MARCHF4: variants seen among roughly 807,000 people sequenced by gnomAD.
MARCHF4 encodes E3 ubiquitin-protein ligase MARCHF4.
In MARCHF4, 14 loss-of-function variants were observed where a neutral mutation model predicts 43.9. The observed-to-expected ratio is 0.32, with a 90% CI of 0.21 to 0.50. The LOEUF is 0.50. MARCHF4 is among the 20% of genes least tolerant of loss of function. The pLI, the probability that MARCHF4 is intolerant of heterozygous loss-of-function variation, is 0.98. For synonymous variants in MARCHF4, 226 were observed against 213.3 expected, an observed-to-expected ratio of 1.06 and a Z score of -0.52; for missense variants, 468 against 536.7, an observed-to-expected ratio of 0.87 and a Z score of 1.27.
intron 2 of MARCHF4, among the ~76,000 whole-genome samples, chr2:216,282,385 T>C (rs1691143471): frequency 6.6e-6 from 1 of 151,968 alleles, no homozygotes; most frequent in Non-Finnish European, 1.5e-5. Flanking sequence ...TAGCTGTGGG[T>C]GCTTCCAGCT....
At chr2:216,339,924 G>A (rs1438599815) in intron 1 of MARCHF4, among the ~76,000 whole-genome samples, 2 of 151,928 alleles carry the variant, frequency 1.3e-5, no homozygotes, top group Non-Finnish European at 2.9e-5. Flanking sequence ...CTCCTGCTGG[G>A]GTGACTGGAA....
At chr2:216,320,347 AC>A (rs1691859518) in intron 1 of MARCHF4, among the ~76,000 whole-genome samples, 1 of 152,216 alleles carries the variant, frequency 6.6e-6, no homozygotes, top group Non-Finnish European at 1.5e-5. Context: ...TTGAGTCCTT[AC>A]TAAAGGCCAG....
chr2:216,363,567 G>A (rs1358605771), intron 1 of MARCHF4, among the ~76,000 whole-genome samples: 1 of 152,170 alleles, frequency 6.6e-6, no homozygotes, highest in Non-Finnish European at 1.5e-5. Flanking sequence ...GGTTCTTGGA[G>A]CTTCCAATTT....
chr2:216,259,414 A>G lies in MARCHF4; in HGVS notation c.1131T>C (p.Cys377=), dbSNP rs765969760. 1.1e-5 allele frequency: 18 copies of G among 1,613,740 alleles called. 1 individual carries two copies. In the East Asian group the frequency reaches 3.6e-4, roughly 32 times the overall value. The part of the protein sequence containing the change: ...HPSGPLSHHH[C]AYTILHILSH... The stretch of plus-strand genomic sequence containing the variant: ...TCAGGATGTGCAGGATGGTATAAGC[A>G]CAGTGGTGATGGGACAGAGGGCCTG... Residue 377 remains cysteine, a synonymous_variant, in exon 4 of 4, where the codon TGT becomes TGC. Transcript: ENST00000273067.
rs10175315 is a variant in MARCHF4, at chr2:216,300,350, G to A, written c.517-16621C>T. The stretch of plus-strand genomic sequence containing the variant: ...TATGTCCATCTCGATATATATATAT[G>A]TATATATATATATATATATGACTTA... On this transcript the variant is annotated intron_variant, in intron 1 of 3. Coordinates refer to ENST00000273067, the MANE Select transcript of MARCHF4 (RefSeq NM_020814.3). 5.4e-3 allele frequency among the ~76,000 whole-genome samples: 625 copies of A among 115,598 alleles called. 5 individuals are homozygous for A. The highest frequency in any genetic ancestry group is 8.8e-3 in the South Asian group (29 of 3,282). 75.8% of individuals were successfully genotyped at this position (115,598 alleles called of 152,430 possible). A position where few individuals can be genotyped will look rare whatever the true frequency, so the allele number is the denominator to read the frequency against.
Position 216,369,930 on chromosome 2 carries a change from G to A in MARCHF4, c.331C>T (p.Pro111Ser). 6.2e-7 allele frequency: 1 copy of A among 1,608,656 alleles called. No homozygotes were observed. The highest frequency in any genetic ancestry group is 8.5e-7 in the Non-Finnish European group (1 of 1,177,254). Residue 111 changes from proline to serine, a missense_variant, in exon 1 of 4, where the codon CCA becomes TCA. Around this residue, in one of 3 missense-constraint regions of MARCHF4, gnomAD observed 190 missense variants for 158.5 expected, o/e 1.20. Coordinates refer to ENST00000273067, the MANE Select transcript of MARCHF4 (RefSeq NM_020814.3). ...PPPVPPPPPL[P>S]PSSVEDDWGG... ...CAGTCATCTTCCACAGAAGAAGGTG[G>A]CAAGGGGGGTGGAGGTGGCACAGGA...
At chr2:216,356,785 G>A (rs1170729845) in intron 1 of MARCHF4, among the ~76,000 whole-genome samples, 1 of 152,174 alleles carries the variant, frequency 6.6e-6, no homozygotes, top group Non-Finnish European at 1.5e-5. Flanking sequence ...CACTTTGAGA[G>A]GCCGAGGTGG....
chr2:216,330,288 A>T (rs1179259186), intron 1 of MARCHF4, among the ~76,000 whole-genome samples: 1 of 152,232 alleles, frequency 6.6e-6, no homozygotes, highest in Non-Finnish European at 1.5e-5. Flanking sequence ...TTTTATAATG[A>T]CAGTATGGTC....
intron 1 of MARCHF4, among the ~76,000 whole-genome samples, chr2:216,305,295 G>T (rs548945484): frequency 6.6e-6 from 1 of 152,250 alleles, no homozygotes; most frequent in East Asian, 1.9e-4. Context: ...GAGATAGGTG[G>T]GTATAAGTTC....
At chr2:216,340,043 G>A (rs529317633) in intron 1 of MARCHF4, among the ~76,000 whole-genome samples, 1 of 152,104 alleles carries the variant, frequency 6.6e-6, no homozygotes, top group African/African-American at 2.4e-5. Context: ...TGAATTTCCA[G>A]CCGTTATCCG....
chr2:216,309,163 C>T (rs1416427202), intron 1 of MARCHF4, among the ~76,000 whole-genome samples: 1 of 152,196 alleles, frequency 6.6e-6, no homozygotes, highest in African/African-American at 2.4e-5. Context: ...GATCCCATGA[C>T]ACTTTAAAGA....
At chr2:216,271,827 G>A (rs950839514) in intron 3 of MARCHF4, among the ~76,000 whole-genome samples, 2 of 151,790 alleles carry the variant, frequency 1.3e-5, no homozygotes, top group African/African-American at 4.8e-5. Flanking sequence ...GTCTTACTGT[G>A]TCACCCAGAC....
At chr2:216,312,536 T>A (rs1244232738) in intron 1 of MARCHF4, among the ~76,000 whole-genome samples, 1 of 152,170 alleles carries the variant, frequency 6.6e-6, no homozygotes, top group Non-Finnish European at 1.5e-5. Flanking sequence ...CTTTTCTCCA[T>A]ATCCATGCCA....
chr2:216,357,594 T>G (rs1692521326), intron 1 of MARCHF4, among the ~76,000 whole-genome samples: 1 of 152,246 alleles, frequency 6.6e-6, no homozygotes, highest in Non-Finnish European at 1.5e-5. Context: ...GGGCTGGGAT[T>G]AAAGGCATGA....
At chr2:216,271,173 A>T (rs1029622771) in intron 3 of MARCHF4, among the ~76,000 whole-genome samples, 1 of 152,138 alleles carries the variant, frequency 6.6e-6, no homozygotes, top group Admixed American at 6.5e-5. Context: ...TGGCATGGCC[A>T]ACTGCTCCAA....
intron 1 of MARCHF4, among the ~76,000 whole-genome samples, chr2:216,318,619 G>A (rs964915699): frequency 4.6e-5 from 7 of 152,164 alleles, no homozygotes; most frequent in African/African-American, 1.4e-4. Flanking sequence ...ACAGGGAGGA[G>A]GGCAAGTTCA....
intron 3 of MARCHF4, among the ~76,000 whole-genome samples, chr2:216,267,572 C>T (rs952911950): frequency 6.6e-6 from 1 of 152,148 alleles, no homozygotes; most frequent in Non-Finnish European, 1.5e-5. Flanking sequence ...CACATAGGGG[C>T]TTATTTTTTT....
At chr2:216,299,564 C>T (rs1455821067) in intron 1 of MARCHF4, among the ~76,000 whole-genome samples, 1 of 152,158 alleles carries the variant, frequency 6.6e-6, no homozygotes, top group African/African-American at 2.4e-5. Flanking sequence ...CTTAATCTAA[C>T]CTGTATTTTC....
At chr2:216,261,440 G>A (rs1410218253) in intron 3 of MARCHF4, among the ~76,000 whole-genome samples, 1 of 152,038 alleles carries the variant, frequency 6.6e-6, no homozygotes, top group Non-Finnish European at 1.5e-5. Context: ...TACATTTAGG[G>A]CCCACCTGAA....
Sources: allele counts gnomAD v4.1 joint callset (sites outside exome capture counted in the v4.1 genomes callset), GRCh38; gene constraint gnomAD v4.1.1; regional missense constraint gnomAD v4.1.1; transcripts MANE v1.5; gene names NCBI Gene and HGNC (gene_info 2026-07-23, HGNC 2026-07-21).